The following SFI1 variants were observed in gnomAD, a reference collection of about 807,000 sequenced individuals.
SFI1 encodes protein SFI1 homolog.
Under a neutral mutation model 207.5 loss-of-function variants are expected in SFI1, and 195 were observed. That is an observed-to-expected ratio of 0.94 (90% CI 0.84 to 1.06). The LOEUF (loss-of-function observed/expected upper bound fraction) is 1.06, where lower values mean the gene tolerates loss of function less well. SFI1 is among the 50% of genes least tolerant of loss of function. SFI1 has a pLI of 0.00. For missense variants in SFI1, 1,634 were observed against 1,588.0 expected (o/e 1.03, Z -0.49); for synonymous variants, 630 against 598.9 (o/e 1.05, Z -0.76).
intron 11 of SFI1, among the ~76,000 whole-genome samples, chr22:31,579,440 C>T (rs868462333): frequency 1.3e-5 from 2 of 151,558 alleles, no homozygotes; most frequent in African/African-American, 2.4e-5. Flanking sequence ...CTCAGCCTCC[C>T]GAGTAGCTGG....
At chr22:31,582,223 TA>T (rs2064345008) in intron 12 of SFI1, among the ~76,000 whole-genome samples, 1 of 43,110 alleles carries the variant, frequency 2.3e-5, no homozygotes, top group Non-Finnish European at 4.7e-5. Context: ...TATATATATA[TA>T]TATATATATA....
chr22:31,570,096 G>A (rs2062794407), intron 8 of SFI1, among the ~76,000 whole-genome samples: 2 of 150,960 alleles, frequency 1.3e-5, no homozygotes, highest in South Asian at 4.2e-4. Context: ...CAGTCTGGCA[G>A]TCTGAGTAAC....
In SFI1 at chr22:31,545,855, A is replaced by G. The variant is rs960030596; in HGVS notation, c.339-1006A>G. Reference sequence around the variant, plus strand: ...CGGCCTCCCAAAGTGCTGGGATTGCAGGTGTGAGCCACCGTGTCCAGCTTT... The same window carrying G: ...CGGCCTCCCAAAGTGCTGGGATTGCGGGTGTGAGCCACCGTGTCCAGCTTT... On this transcript the variant is annotated intron_variant, in intron 4 of 32. Coordinates refer to ENST00000400288, the MANE Select transcript of SFI1 (RefSeq NM_001007467.3). 3.6e-5 allele frequency among the ~76,000 whole-genome samples: 5 copies of G among 140,020 alleles called. No individual in the cohort carries two copies. The East Asian group carries it at 1.1e-3, about 30-fold the overall frequency. The allele number at this position is 140,020 out of a possible 152,430, so 91.9% of individuals were successfully genotyped here. A position where few individuals can be genotyped will look rare whatever the true frequency, so the allele number is the denominator to read the frequency against.
At chr22:31,575,149 AGTG>A in intron 9 of SFI1, 79 bp from the exon 10 acceptor site, 1 of 1,226,040 alleles carries the variant, frequency 8.2e-7, no homozygotes, top group Non-Finnish European at 1.1e-6. Flanking sequence ...CTCTGCCAGT[AGTG>A]GGGTTCAGCT....
At chr22:31,565,252 C>G (rs1303491410) in intron 8 of SFI1, among the ~76,000 whole-genome samples, 1 of 151,984 alleles carries the variant, frequency 6.6e-6, no homozygotes, top group African/African-American at 2.4e-5. Flanking sequence ...CTCCTATATT[C>G]TTTTTTCTTA....
At chr22:31,560,891 AGGG>A (rs369141911) in intron 7 of SFI1, among the ~76,000 whole-genome samples, 1 of 151,826 alleles carries the variant, frequency 6.6e-6, no homozygotes, top group Non-Finnish European at 1.5e-5. Flanking sequence ...TAATAGAGAC[AGGG>A]TTTCACTGTG....
chr22:31,531,014 A>G, intron 3 of SFI1, 44 bp from the exon 4 acceptor site: 3 of 1,556,062 alleles, frequency 1.9e-6, no homozygotes, highest in Non-Finnish European at 1.8e-6. Flanking sequence ...ATGTAAGCCA[A>G]ATGGAATTTT....
intron 2 of SFI1, among the ~76,000 whole-genome samples, chr22:31,513,483 T>G (rs1569181719): frequency 6.6e-6 from 1 of 152,130 alleles, no homozygotes; most frequent in Non-Finnish European, 1.5e-5. Flanking sequence ...GATTTGAGAT[T>G]TACTCTCTTA....
intron 15 of SFI1, among the ~76,000 whole-genome samples, chr22:31,598,138 C>T (rs527675682): frequency 6.6e-5 from 10 of 151,686 alleles, no homozygotes; most frequent in Admixed American, 2.6e-4. Context: ...CCACCACACC[C>T]GGCTAATTTT....
chr22:31,528,841 C>G lies in SFI1; in HGVS notation c.244C>G (p.Arg82Gly). The change falls in exon 3 of 33, where the codon CGG (arginine) becomes GGG (glycine). Residue 82 changes from arginine (R) to glycine (G), a missense_variant. Coordinates refer to ENST00000400288, the MANE Select transcript of SFI1 (RefSeq NM_001007467.3). ...RGTHTCTRQG[R>G]LRELRIRCVA... ...CACACATACTTGTACCCGACAGGGCCGGTTAAGAGAACTGCGCATCAGGTG... is the reference window on the plus strand; with the variant it reads ...CACACATACTTGTACCCGACAGGGCGGGTTAAGAGAACTGCGCATCAGGTG... The G allele has an allele frequency of 6.2e-7, 1 of 1,613,730 alleles. No individual in the cohort carries two copies. The highest frequency in any genetic ancestry group is 8.5e-7 in the Non-Finnish European group (1 of 1,179,834).
At chr22:31,532,117 C>T (rs1049199558) in intron 4 of SFI1, among the ~76,000 whole-genome samples, 1 of 151,860 alleles carries the variant, frequency 6.6e-6, no homozygotes, top group Non-Finnish European at 1.5e-5. Flanking sequence ...TTAAGTAAAT[C>T]AGGATAGATA....
chr22:31,596,516 C>T (rs534115652), intron 15 of SFI1, among the ~76,000 whole-genome samples: 16 of 151,948 alleles, frequency 1.1e-4, no homozygotes, highest in South Asian at 2.1e-4. Context: ...TCAGGCTGGA[C>T]GCGGTGGCTC....
intron 2 of SFI1, among the ~76,000 whole-genome samples, chr22:31,517,272 A>G (rs1273970442): frequency 6.6e-6 from 1 of 152,050 alleles, no homozygotes; most frequent in Non-Finnish European, 1.5e-5. Flanking sequence ...TTTTGGAGAC[A>G]GGGTCTCGCA....
intron 4 of SFI1, among the ~76,000 whole-genome samples, chr22:31,544,502 T>A (rs1479681606): frequency 6.6e-6 from 1 of 152,046 alleles, no homozygotes; most frequent in Non-Finnish European, 1.5e-5. Flanking sequence ...GTTTGAAAAG[T>A]CAGATTTTGG....
chr22:31,524,566 GC>G lies in SFI1; in HGVS notation c.93-4123del, dbSNP rs2057677886. 2.0e-5 allele frequency among the ~76,000 whole-genome samples: 3 copies of G among 151,952 alleles called. No individual in the cohort carries two copies. In the South Asian group the frequency reaches 6.2e-4, roughly 32 times the overall value. Reference sequence around the variant, plus strand: ...GCCTCCGGAGTAGCTGGGACTACAAGCACACACCACCATGCTTGGCCAATTT... The same window carrying G: ...GCCTCCGGAGTAGCTGGGACTACAAGACACACCACCATGCTTGGCCAATTT... On this transcript the variant is annotated intron_variant, in intron 2 of 32. Coordinates refer to ENST00000400288, the MANE Select transcript of SFI1 (RefSeq NM_001007467.3).
chr22:31,614,719 C>T (rs1198377775), intron 27 of SFI1, 70 bp from the exon 28 acceptor site: 1 of 1,527,532 alleles, frequency 6.5e-7, no homozygotes. Flanking sequence ...ATTGGAGATC[C>T]CACAGAGATC....
chr22:31,587,538 C>T (rs551054044), intron 14 of SFI1: 2 of 167,102 alleles, frequency 1.2e-5, no homozygotes, highest in African/African-American at 4.8e-5. Flanking sequence ...GTCTCAAACT[C>T]CCAAGCTCTG....
chr22:31,584,247 T>C (rs1569386222), intron 13 of SFI1, among the ~76,000 whole-genome samples: 1 of 152,202 alleles, frequency 6.6e-6, no homozygotes, highest in Non-Finnish European at 1.5e-5. Flanking sequence ...GGCATCAATA[T>C]GTTCACAAGT....
At chr22:31,594,560 A>T (rs1349775009) in intron 15 of SFI1, among the ~76,000 whole-genome samples, 1 of 118,278 alleles carries the variant, frequency 8.5e-6, no homozygotes, top group South Asian at 2.9e-4. Context: ...AAAAAAAAAA[A>T]AAGAAAAGAA....
Sources: gnomAD v4.1 joint callset for allele counts (sites outside exome capture counted in the v4.1 genomes callset) on GRCh38, gnomAD v4.1.1 for gene constraint, MANE v1.5 for transcripts, NCBI Gene and HGNC (gene_info 2026-07-23, HGNC 2026-07-21) for gene names.